The following GUF1 variants were observed in gnomAD, a reference collection of about 807,000 sequenced individuals.
GUF1 encodes the protein GTP binding elongation factor GUF1, also known as translation factor GUF1, mitochondrial.
A neutral mutation model predicts 82.4 loss-of-function variants in GUF1; 78 were observed. That is an observed-to-expected ratio of 0.95 (90% CI 0.79 to 1.14). The LOEUF (loss-of-function observed/expected upper bound fraction) is 1.14. Ranked by LOEUF, GUF1 falls within the 50% of genes most tolerant of loss-of-function variation. The pLI is 0.00. For synonymous variants in GUF1, 279 were observed against 282.3 expected (o/e 0.99, Z 0.12); for missense variants, 814 against 798.2 (o/e 1.02, Z -0.24).
intron 9 of GUF1, 95 bp from the exon 10 acceptor site, chr4:44,689,191 A>C (rs1343711773): frequency 1.8e-5 from 18 of 1,002,198 alleles, no homozygotes; most frequent in Non-Finnish European, 2.3e-5. Context: ...TTAAAAGGTA[A>C]ATGACTAATT....
intron 4 of GUF1, 50 bp downstream of exon 4, chr4:44,681,253 G>A (rs2109631795): frequency 1.5e-6 from 2 of 1,304,050 alleles, no homozygotes; most frequent in Middle Eastern, 1.9e-4. Context: ...CTATTTGGTT[G>A]TTTCAAGAGT....
intron 12 of GUF1, among the ~76,000 whole-genome samples, chr4:44,691,427 T>G (rs1329408350): frequency 1.3e-5 from 2 of 151,782 alleles, no homozygotes; most frequent in African/African-American, 4.8e-5. Context: ...GACTTTTGAC[T>G]TTATATGTAG....
intron 16 of GUF1, among the ~76,000 whole-genome samples, chr4:44,697,683 T>C (rs990162121): frequency 2.2e-5 from 3 of 137,232 alleles, no homozygotes; most frequent in African/African-American, 7.6e-5. Context: ...ATTGTTCTTA[T>C]ATGTAATACT....
At chr4:44,695,405 A>C (rs1715743137) in intron 14 of GUF1, among the ~76,000 whole-genome samples, 1 of 152,232 alleles carries the variant, frequency 6.6e-6, no homozygotes, top group Non-Finnish European at 1.5e-5. Flanking sequence ...CTATTGTCTA[A>C]TGTTGTATTT....
chr4:44,694,152 TTTTC>T (rs1715625718), intron 13 of GUF1: 3 of 364,044 alleles, frequency 8.2e-6, no homozygotes, highest in Non-Finnish European at 1.5e-5. Context: ...CAATAAACCA[TTTTC>T]TTTGTCAGGT....
intron 14 of GUF1, among the ~76,000 whole-genome samples, chr4:44,694,815 GTTT>G (rs57336361): frequency 6.8e-6 from 1 of 147,736 alleles, no homozygotes; most frequent in African/African-American, 2.5e-5. Flanking sequence ...GTTTTGTTTT[GTTT>G]TTTTTTTAGA....
intron 9 of GUF1, among the ~76,000 whole-genome samples, chr4:44,688,405 TTC>T (rs1270661197): frequency 1.3e-5 from 2 of 148,302 alleles, no homozygotes; most frequent in East Asian, 3.9e-4. Flanking sequence ...TAATATAAAT[TTC>T]TTTCTTATTT....
rs1485323613 is a variant in GUF1 at position 44,678,830 on chromosome 4, T to C, written c.165+43T>C. On this transcript the variant is annotated intron_variant, in intron 1 of 16. Coordinates refer to ENST00000281543, the MANE Select transcript of GUF1 (RefSeq NM_021927.3). ...TCTGATTTAGCCAAGTTTTCAAACG[T>C]TGGAGTGCCCCATGCGATCTTGGAC... 6 of 1,525,306 alleles carry C rather than the reference T, an allele frequency of 3.9e-6. 1 individual carries two copies. The South Asian group carries it at 7.8e-5, about 20-fold the overall frequency. The allele number at this position is 1,525,306 out of a possible 1,614,324, so 94.5% of individuals were successfully genotyped here. A position where few individuals can be genotyped will look rare whatever the true frequency, so the allele number is the denominator to read the frequency against.
Position 44,689,970 on chromosome 4 carries a change from A to G in GUF1, c.1330A>G (p.Ile444Val). ...YKAVLSSSKL[I>V]KEHREKEITI... ...AGCTGTACTGTCATCATCAAAATTG[A>G]TAAAGGTACTTGGTATTTAGTACTG... Residue 444 changes from isoleucine to valine, a missense_variant, in exon 11 of 17, where the codon ATA becomes GTA. By Grantham distance (29) the Ile-to-Val change is conservative (BLOSUM62 3). Transcript: ENST00000281543. 4 of 1,570,802 alleles carry G rather than the reference A, an allele frequency of 2.5e-6. No individual in the cohort carries two copies. The highest frequency in any genetic ancestry group is 3.5e-6 in the Non-Finnish European group (4 of 1,153,916).
At chr4:44,686,990 GAGTT>G (rs1340635134) in intron 8 of GUF1, among the ~76,000 whole-genome samples, 3 of 151,860 alleles carry the variant, frequency 2.0e-5, no homozygotes, top group Non-Finnish European at 4.4e-5. Context: ...GACAATGAAA[GAGTT>G]AGTTCCCTCC....
intron 15 of GUF1, among the ~76,000 whole-genome samples, chr4:44,696,336 A>G (rs1715825295): frequency 1.3e-5 from 2 of 152,130 alleles, no homozygotes; most frequent in Non-Finnish European, 2.9e-5. Flanking sequence ...GGTGGCTCAC[A>G]TTCTGTGATC....
At position 44,691,842 on chromosome 4, in the gene GUF1, T is replaced by G. The variant is rs761304972; in HGVS notation, c.1613+43T>G. On this transcript the variant is annotated intron_variant, in intron 13 of 16. Transcript: ENST00000281543. ...ACCTAAGATGCCTGACCAACTTTTT[T>G]GAAATATTGATGAGCAAGGGTATAC... 4.2e-6 allele frequency: 6 copies of G among 1,414,874 alleles called. No individual in the cohort carries two copies. In the South Asian group the frequency reaches 5.1e-5, roughly 12 times the overall value. 87.6% of individuals were successfully genotyped at this position (1,414,874 alleles called of 1,614,324 possible). A position where few individuals can be genotyped will look rare whatever the true frequency, so the allele number is the denominator to read the frequency against.
intron 14 of GUF1, 90 bp downstream of exon 14, chr4:44,694,603 C>A (rs1715670211): frequency 1.3e-6 from 1 of 779,902 alleles, no homozygotes; most frequent in African/African-American, 1.8e-5. Flanking sequence ...ATTTAAAAAA[C>A]TTCTAAGGTA....
chr4:44,693,059 A>G (rs16857367), intron 13 of GUF1, among the ~76,000 whole-genome samples: 2,620 of 152,112 alleles, frequency 0.017, 79 homozygotes, highest in African/African-American at 0.057. Context: ...AGCTTCCAGC[A>G]TTAAGGTAAT....
intron 16 of GUF1, among the ~76,000 whole-genome samples, chr4:44,698,110 T>C (rs937786158): frequency 9.2e-5 from 14 of 152,140 alleles, no homozygotes; most frequent in Non-Finnish European, 1.8e-4. Flanking sequence ...CCTGCCATTG[T>C]ACTCCAGCCT....
chr4:44,688,394 G>GT (rs1715203230), intron 9 of GUF1, among the ~76,000 whole-genome samples: 3 of 151,766 alleles, frequency 2.0e-5, no homozygotes, highest in Admixed American at 1.3e-4. Flanking sequence ...ATAGGATACA[G>GT]TAATATAAAT....
intron 6 of GUF1, among the ~76,000 whole-genome samples, 178 bp downstream of exon 6, chr4:44,683,496 A>G (rs2109637357): frequency 6.6e-6 from 1 of 152,166 alleles, no homozygotes; most frequent in South Asian, 2.1e-4. Flanking sequence ...TTGTTAGGAC[A>G]TACAGAAATT....
intron 5 of GUF1, among the ~76,000 whole-genome samples, chr4:44,682,955 A>G (rs1714850224): frequency 6.6e-6 from 1 of 152,038 alleles, no homozygotes; most frequent in African/African-American, 2.4e-5. Flanking sequence ...ATCAGTTCAC[A>G]TGCTGCTTAA....
At chr4:44,691,559 AT>A in intron 12 of GUF1, 106 bp from the exon 13 acceptor site, 1 of 779,580 alleles carries the variant, frequency 1.3e-6, no homozygotes, top group South Asian at 1.7e-5. Context: ...TTCTCTCTGG[AT>A]TATAAATACT....
Sources: gnomAD v4.1 joint callset for allele counts (sites outside exome capture counted in the v4.1 genomes callset) on GRCh38, gnomAD v4.1.1 for gene constraint, MANE v1.5 for transcripts, NCBI Gene and HGNC (gene_info 2026-07-23, HGNC 2026-07-21) for gene names.